GRAMD1A: variants seen among roughly 807,000 people sequenced by gnomAD.
GRAMD1A encodes the protein GRAM domain containing 1A.
A neutral mutation model predicts 92.0 loss-of-function variants in GRAMD1A; 50 were observed. The ratio of observed to expected loss-of-function variants is 0.54; its 90% CI spans 0.43 to 0.69. GRAMD1A has a LOEUF of 0.69. Among genes scored for constraint, GRAMD1A ranks in the 30% least tolerant of loss-of-function variants. GRAMD1A has a pLI of 0.00. For missense variants in GRAMD1A, 819 were observed against 978.9 expected, an observed-to-expected ratio of 0.84 and a Z score of 2.18; for synonymous variants, 405 against 403.6, an observed-to-expected ratio of 1.00 and a Z score of -0.04.
intron 16 of GRAMD1A, among the ~76,000 whole-genome samples, chr19:35,022,382 G>C (rs2016123720): frequency 6.6e-6 from 1 of 152,170 alleles, no homozygotes. Context: ...TGGACATTAT[G>C]TTCTCTGTGC....
At chr19:35,025,350 T>G (rs1057210031) in intron 19 of GRAMD1A, 1 of 151,932 alleles carries the variant, frequency 6.6e-6, no homozygotes, top group African/African-American at 2.4e-5. Flanking sequence ...TTAAAGCGAT[T>G]CTCGTGCCTC....
At chr19:35,019,068 C>T (rs531305285) in intron 11 of GRAMD1A, 123 bp from the exon 12 acceptor site, 3 of 693,704 alleles carry the variant, frequency 4.3e-6, no homozygotes, top group Admixed American at 2.3e-5. Context: ...AAGGTGGGGA[C>T]ACAGAGGAGT....
At chr19:35,025,946 C>A in intron 19 of GRAMD1A, 103 bp from the exon 20 acceptor site, 1 of 726,628 alleles carries the variant, frequency 1.4e-6, no homozygotes, top group Non-Finnish European at 2.5e-6. Context: ...GGCAGTATGG[C>A]CTCTAGACCG....
chr19:35,010,457 T>C (rs2015149865), intron 6 of GRAMD1A, 78 bp downstream of exon 6: 1 of 940,408 alleles, frequency 1.1e-6, no homozygotes, highest in Admixed American at 1.8e-5. Context: ...AAAGCCCCAT[T>C]TGTTCTGCAC....
chr19:35,017,392 GCCC>G (rs1032871289), intron 11 of GRAMD1A, among the ~76,000 whole-genome samples: 4 of 152,014 alleles, frequency 2.6e-5, no homozygotes, highest in Non-Finnish European at 5.9e-5. Flanking sequence ...GGGCCTTGTA[GCCC>G]CCCAACACAA....
Position 35,000,812 on chromosome 19 carries a change from TG to T in GRAMD1A, c.8+327del, listed in dbSNP as rs2014309722. Among the ~76,000 whole-genome samples the T allele has an allele frequency of 4.6e-5, 7 of 152,060 alleles. No individual in the cohort carries two copies. The highest frequency in any genetic ancestry group is 4.6e-4 in the Admixed American group (7 of 15,276). ...AGGGCCCTCAGGCCTGGCAACCCCC[TG>T]CCTGGTAAGCCAGGGGTGAGCGCGA... On this transcript the variant is annotated intron_variant, in intron 1 of 19. Transcript: ENST00000317991. The surrounding 1 kb of genome is among the most constrained non-coding windows in gnomAD (Gnocchi z 4.9).
At position 35,000,454 on chromosome 19, in the gene GRAMD1A, G is replaced by A. The variant is rs2014268414; in HGVS notation, c.-25G>A. Reference sequence around the variant, plus strand: ...CCCTGCCCTGCCCTGCCCTGCGCCCGGGGCGCGCCCACCGCGCCGCATCCA... The same window carrying A: ...CCCTGCCCTGCCCTGCCCTGCGCCCAGGGCGCGCCCACCGCGCCGCATCCA... On this transcript the variant is annotated 5_prime_UTR_variant, in exon 1 of 20. Transcript: ENST00000317991. This position sits in a 1 kb window ranked among gnomAD's most constrained non-coding sequence, Gnocchi z 4.9. 6.0e-6 allele frequency: 6 copies of A among 997,342 alleles called. No individual in the cohort carries two copies. The Middle Eastern group carries it at 1.2e-3, about 192-fold the overall frequency. The allele number at this position is 997,342 out of a possible 1,614,324, so 61.8% of individuals were successfully genotyped here.
At chr19:35,001,782 A>G (rs896881305) in intron 1 of GRAMD1A, among the ~76,000 whole-genome samples, 1 of 151,718 alleles carries the variant, frequency 6.6e-6, no homozygotes, top group African/African-American at 2.4e-5. Flanking sequence ...TAAGTTTTGT[A>G]TTTTTAGTAG....
At chr19:35,007,703 C>A (rs2014926352) in intron 1 of GRAMD1A, among the ~76,000 whole-genome samples, 1 of 151,760 alleles carries the variant, frequency 6.6e-6, no homozygotes, top group Admixed American at 6.6e-5. Flanking sequence ...CCCATCTGTA[C>A]AAAAATTTTT....
upstream of GRAMD1A, chr19:35,000,005 G>A (rs1018066854): frequency 3.0e-6 from 3 of 984,766 alleles, no homozygotes; most frequent in Admixed American, 1.2e-4. The surrounding 1 kb of genome is among the most constrained non-coding windows in gnomAD (Gnocchi z 4.9). Context: ...GGAGGTCCAG[G>A]AGCTTCTGGC....
rs1245775210 is a variant in GRAMD1A at position 35,009,101 on chromosome 19, T to C, written c.9-18T>C. 6.4e-7 allele frequency: 1 copy of C among 1,574,292 alleles called. No homozygotes were observed. Among genetic ancestry groups the C allele is most frequent in the South Asian group, 1.1e-5 (1 of 90,200 alleles). On this transcript the variant is annotated intron_variant, in intron 1 of 19. Transcript: ENST00000317991. ...TGTTTTTTCCAGTTAACACTTCTCT[T>C]CCTCTTCCTGCCCCCAGCACCACAC...
chr19:35,013,175 G>A lies in GRAMD1A; in HGVS notation c.607-81G>A. ...TGTGGAAGCCAGGGGAACTGCGGAGGCCGAGGGCTGGTGGGGAATCTGGCG... is the reference window on the plus strand; with the variant it reads ...TGTGGAAGCCAGGGGAACTGCGGAGACCGAGGGCTGGTGGGGAATCTGGCG... On this transcript the variant is annotated intron_variant, in intron 7 of 19. Coordinates refer to ENST00000317991, the MANE Select transcript of GRAMD1A (RefSeq NM_020895.5). The surrounding 1 kb of genome is among the most constrained non-coding windows in gnomAD (Gnocchi z 4.9). 2.8e-6 allele frequency: 2 copies of A among 718,952 alleles called. No homozygotes were observed. Among genetic ancestry groups the A allele is most frequent in the South Asian group, 1.6e-5 (1 of 60,780 alleles). The allele number at this position is 718,952 out of a possible 1,614,324, so 44.5% of individuals were successfully genotyped here.
At chr19:35,004,077 A>C (rs1193791694) in intron 1 of GRAMD1A, among the ~76,000 whole-genome samples, 1 of 152,150 alleles carries the variant, frequency 6.6e-6, no homozygotes, top group Non-Finnish European at 1.5e-5. Context: ...AAAACTTTAA[A>C]AATCAGCTAG....
At chr19:34,995,372 G>C (rs1240840004), upstream of GRAMD1A, among the ~76,000 whole-genome samples, 1 of 152,170 alleles carries the variant, frequency 6.6e-6, no homozygotes, top group East Asian at 1.9e-4. Flanking sequence ...CAGGCAAATG[G>C]GATTAACTGA....
At position 35,022,846 on chromosome 19, in the gene GRAMD1A, G is replaced by A. The variant is rs115620924; in HGVS notation, c.1842-54G>A. On this transcript the variant is annotated intron_variant, in intron 16 of 19. Transcript: ENST00000317991. The stretch of plus-strand genomic sequence containing the variant: ...GGGTGAGGAGGGCTGGGGGTGTCGG[G>A]GGCAGGCCAGGCGGCGCTCATCTCT... The A allele has an allele frequency of 4.0e-4, 625 of 1,580,030 alleles. 8 individuals are homozygous for A. The African/African-American group carries it at 7.7e-3, about 19-fold the overall frequency.
In GRAMD1A at chr19:35,011,549, G is replaced by A. The variant is rs745502312; in HGVS notation, c.601G>A (p.Glu201Lys). Residue 201 changes from glutamate to lysine, a missense_variant, in exon 7 of 20, where the codon GAA becomes AAA. This residue lies in a region of GRAMD1A where 144 missense variants were observed against 220.3 expected (regional missense o/e 0.65). Transcript: ENST00000317991. ...CCGCCTCTGGCAGAATGCACTGCTT[G>A]AAAAGGTGGGCCTGGGTGAGGCCCG... ...IFRLWQNALLEKTLSPRELWH... is the reference protein window; with the variant it reads ...IFRLWQNALLKKTLSPRELWH... The A allele has an allele frequency of 6.2e-7, 1 of 1,609,146 alleles. No individual in the cohort carries two copies. Among genetic ancestry groups the A allele is most frequent in the Non-Finnish European group, 8.5e-7 (1 of 1,178,202 alleles).
chr19:35,006,318 T>C (rs1003855398), intron 1 of GRAMD1A, among the ~76,000 whole-genome samples: 1 of 151,984 alleles, frequency 6.6e-6, no homozygotes, highest in African/African-American at 2.4e-5. Flanking sequence ...CGACTCTTTG[T>C]CTCCAAAAAA....
chr19:35,003,524 G>A (rs2014573628), intron 1 of GRAMD1A, among the ~76,000 whole-genome samples: 1 of 152,226 alleles, frequency 6.6e-6, no homozygotes, highest in Non-Finnish European at 1.5e-5. Flanking sequence ...AACTGGGGGC[G>A]TGGTCCCTGC....
chr19:35,024,473 A>T (rs374972572), intron 19 of GRAMD1A, among the ~76,000 whole-genome samples: 4 of 149,274 alleles, frequency 2.7e-5, no homozygotes, highest in African/African-American at 1.0e-4. Context: ...GTGTCAGGCC[A>T]GCAGTTGTGG....
Sources: gnomAD v4.1 joint callset for allele counts (sites outside exome capture counted in the v4.1 genomes callset) on GRCh38, gnomAD v4.1.1 for gene constraint, gnomAD v4.1.1 regional missense constraint, Gnocchi (gnomAD v3.1) non-coding constraint, MANE v1.5 for transcripts, NCBI Gene and HGNC (gene_info 2026-07-23, HGNC 2026-07-21) for gene names.